Variants in SRP68 observed in about 807,000 individuals in gnomAD.
SRP68 encodes the protein signal recognition particle subunit SRP68.
SRP68 carries 15 observed loss-of-function variants against 82.2 expected under a neutral mutation model. The ratio of observed to expected loss-of-function variants is 0.18; its 90% CI spans 0.12 to 0.28. The LOEUF (loss-of-function observed/expected upper bound fraction) is 0.28. Ranked by LOEUF, SRP68 falls within the 10% of genes least tolerant of loss-of-function variation. The pLI is 1.00. For synonymous variants in SRP68, 261 were observed against 292.6 expected (o/e 0.89, Z 1.10); for missense variants, 595 against 780.5 (o/e 0.76, Z 2.83).
At chr17:76,046,285 A>T in intron 10 of SRP68, 91 bp from the exon 11 acceptor site, 8 of 1,396,000 alleles carry the variant, frequency 5.7e-6, no homozygotes, top group African/African-American at 1.4e-5. Flanking sequence ...ACCCAGAGGA[A>T]GCAGGGGGCG....
At chr17:76,043,097 T>A (rs1265939367) in intron 13 of SRP68, among the ~76,000 whole-genome samples, 1 of 151,734 alleles carries the variant, frequency 6.6e-6, no homozygotes, top group Non-Finnish European at 1.5e-5. Context: ...GACCCCCATC[T>A]CTACAAAAAA....
intron 8 of SRP68, among the ~76,000 whole-genome samples, chr17:76,051,264 G>C (rs1324411847): frequency 6.6e-6 from 1 of 152,190 alleles, no homozygotes; most frequent in Non-Finnish European, 1.5e-5. Flanking sequence ...AAGTGAGAAA[G>C]TGATTCACTA....
chr17:76,045,542 C>A (rs934519460), intron 11 of SRP68, among the ~76,000 whole-genome samples, 156 bp from the exon 12 acceptor site: 6 of 152,238 alleles, frequency 3.9e-5, no homozygotes, highest in African/African-American at 1.4e-4. Flanking sequence ...GCAGCAGCCA[C>A]ACCTGCTGTC....
chr17:76,063,920 C>A, intron 4 of SRP68, 56 bp downstream of exon 4: 1 of 1,488,358 alleles, frequency 6.7e-7, no homozygotes, highest in Non-Finnish European at 9.2e-7. Flanking sequence ...TTAACTGCAG[C>A]TTTTTAAAAT....
In SRP68 at chr17:76,072,513, A is replaced by T; in HGVS notation, c.-22T>A. On this transcript the variant is annotated 5_prime_UTR_variant, in exon 1 of 16. Transcript: ENST00000307877. This position sits in a 1 kb window ranked among gnomAD's most constrained non-coding sequence, Gnocchi z 4.5. ...CCATCTTGCCCCTGCGCCGCAGAGC[A>T]AGACGGGATAGGGGAGGCGGGACGA... 15 of 1,576,728 alleles carry T rather than the reference A, an allele frequency of 9.5e-6. No individual in the cohort carries two copies. The highest frequency in any genetic ancestry group is 1.3e-5 in the Non-Finnish European group (15 of 1,171,472).
Position 76,046,135 on chromosome 17 carries a change from C to T in SRP68, c.1202G>A (p.Gly401Asp), listed in dbSNP as rs1237930618. Residue 401 changes from glycine (G) to aspartate (D), a missense_variant, in exon 11 of 16, where the codon GGT becomes GAT. Around this residue, in one of 2 missense-constraint regions of SRP68, gnomAD observed 495 missense variants for 688.6 expected, o/e 0.72. Transcript: ENST00000307877. The stretch of plus-strand genomic sequence containing the variant: ...CTGCTGCAGCAGAGCCCTCTGCAGA[C>T]CTTTGGCCATGTTCTCATTACGCTT... ...AIKRNENMAK[G>D]LQRALLQQQP... The T allele has an allele frequency of 2.5e-6, 4 of 1,613,906 alleles. No individual in the cohort carries two copies. Among genetic ancestry groups the T allele is most frequent in the Non-Finnish European group, 3.4e-6 (4 of 1,179,858 alleles).
intron 8 of SRP68, among the ~76,000 whole-genome samples, chr17:76,053,238 C>A (rs1348649553): frequency 6.9e-6 from 1 of 145,520 alleles, no homozygotes; most frequent in Admixed American, 7.0e-5. Context: ...TGCACTTTGG[C>A]CTGGGTGACA....
At chr17:76,061,632 A>G (rs547811450) in intron 4 of SRP68, 58 bp from the exon 5 acceptor site, 37 of 1,397,198 alleles carry the variant, frequency 2.6e-5, no homozygotes, top group South Asian at 2.2e-4. Flanking sequence ...CTCCCACTCA[A>G]TCTTCCTTTA....
At position 76,072,115 on chromosome 17, in the gene SRP68, G is replaced by A; in HGVS notation, c.184+193C>T. 1 of 1,113,790 alleles carries A rather than the reference G, an allele frequency of 9.0e-7. No homozygotes were observed. The highest frequency in any genetic ancestry group is 2.6e-5 in the East Asian group (1 of 39,036). 69.0% of individuals were successfully genotyped at this position (1,113,790 alleles called of 1,614,324 possible). A position where few individuals can be genotyped will look rare whatever the true frequency, so the allele number is the denominator to read the frequency against. Reference sequence around the variant, plus strand: ...GAAACGGACCTAGCCAGGACGGCGAGGGGGACACGAGGAAAGACTAGTCGA... The same window carrying A: ...GAAACGGACCTAGCCAGGACGGCGAAGGGGACACGAGGAAAGACTAGTCGA... On this transcript the variant is annotated intron_variant, in intron 1 of 15. Transcript: ENST00000307877. The surrounding 1 kb of genome is among the most constrained non-coding windows in gnomAD (Gnocchi z 4.5).
intron 1 of SRP68, among the ~76,000 whole-genome samples, chr17:76,070,856 A>G (rs1365490499): frequency 4.0e-5 from 6 of 148,666 alleles, no homozygotes; most frequent in African/African-American, 1.5e-4. Flanking sequence ...ACATGCACAC[A>G]CACACACACA....
Position 76,072,452 on chromosome 17 carries a change from C to CGCCGCCGCCACT in SRP68, c.39_40insAGTGGCGGCGGC (p.Gly13_Gly14insSerGlyGlyGly). The stretch of plus-strand genomic sequence containing the variant: ...CTGCCACCGCCGCCGCCACTGCCGC[C>CGCCGCCGCCACT]GCCGCCGCCGCCGCCTGGGACCTGC... On this transcript the variant is annotated inframe_insertion, in exon 1 of 16. Transcript: ENST00000307877. This position sits in a 1 kb window ranked among gnomAD's most constrained non-coding sequence, Gnocchi z 4.5. 6.3e-7 allele frequency: 1 copy of CGCCGCCGCCACT among 1,578,862 alleles called. No homozygotes were observed. Among genetic ancestry groups the CGCCGCCGCCACT allele is most frequent in the Non-Finnish European group, 8.6e-7 (1 of 1,168,778 alleles).
chr17:76,064,470 C>A (rs773314984), intron 3 of SRP68, among the ~76,000 whole-genome samples: 1 of 152,142 alleles, frequency 6.6e-6, no homozygotes, highest in Non-Finnish European at 1.5e-5. Flanking sequence ...CAAACAGACA[C>A]GGTCTAGGCA....
rs1195832176 is a variant in SRP68 at position 76,061,566 on chromosome 17, T to G, written c.570A>C (p.Thr190=). The G allele has an allele frequency of 6.2e-7, 1 of 1,613,710 alleles. No individual in the cohort carries two copies. The highest frequency in any genetic ancestry group is 1.3e-5 in the African/African-American group (1 of 74,938). ...AACGTAGCATTCCTGAGAGGTAAGC[T>G]GTGTAAGCCTGTGAGGAGATGGAAG... ...AKTKLEAQAY[T]AYLSGMLRFE... is the part of the protein sequence containing the mutation. Residue 190 remains threonine, a synonymous_variant, in exon 5 of 16, where the codon ACA becomes ACC. Coordinates refer to ENST00000307877, the MANE Select transcript of SRP68 (RefSeq NM_014230.4).
chr17:76,061,383 A>G, intron 5 of SRP68, 109 bp downstream of exon 5: 2 of 1,068,044 alleles, frequency 1.9e-6, no homozygotes, highest in South Asian at 1.4e-5. Flanking sequence ...TTCTATAGGA[A>G]AGAAAAGTCA....
rs1439606860 is a variant in SRP68 at position 76,072,360 on chromosome 17, A to G, written c.132T>C (p.Pro44=). ...GGEENKENER[P]SAGSKANKEF... ...CTTTGTTTGCCTTCGATCCGGCCGA[A>G]GGGCGTTCGTTTTCTTTATTTTCTT... The change falls in exon 1 of 16, where the codon CCT becomes CCC. Residue 44 remains proline, a synonymous_variant. Coordinates refer to ENST00000307877, the MANE Select transcript of SRP68 (RefSeq NM_014230.4). The surrounding 1 kb of genome is among the most constrained non-coding windows in gnomAD (Gnocchi z 4.5). 1.2e-6 allele frequency: 2 copies of G among 1,612,746 alleles called. No individual in the cohort carries two copies. Among genetic ancestry groups the G allele is most frequent in the Admixed American group, 1.7e-5 (1 of 59,914 alleles).
At chr17:76,060,450 G>T in intron 6 of SRP68, 60 bp from the exon 7 acceptor site, 2 of 1,262,858 alleles carry the variant, frequency 1.6e-6, no homozygotes, top group Non-Finnish European at 2.3e-6. Context: ...AGAATCACTA[G>T]ATTCAACTCA....
At chr17:76,047,788 C>CA (rs5822115) in intron 10 of SRP68, 118 bp downstream of exon 10, 151,678 of 344,280 alleles carry the variant, frequency 0.44, 28,325 homozygotes, top group African/African-American at 0.83. Context: ...GATCCTGTCT[C>CA]AAAAAAAAAA....
intron 9 of SRP68, chr17:76,049,168 T>C (rs2066653511): frequency 6.6e-6 from 1 of 152,254 alleles, no homozygotes; most frequent in Admixed American, 6.5e-5. Context: ...TAATTACCAC[T>C]GAACCATACA....
intron 4 of SRP68, among the ~76,000 whole-genome samples, chr17:76,062,769 T>A (rs1453204598): frequency 2.1e-5 from 2 of 95,412 alleles, no homozygotes; most frequent in South Asian, 2.8e-4. Flanking sequence ...ATATATAAAA[T>A]ATATATATAT....
Sources: allele counts gnomAD v4.1 joint callset (sites outside exome capture counted in the v4.1 genomes callset), GRCh38; gene constraint gnomAD v4.1.1; regional missense constraint gnomAD v4.1.1; non-coding constraint Gnocchi (gnomAD v3.1); transcripts MANE v1.5; gene names NCBI Gene and HGNC (gene_info 2026-07-23, HGNC 2026-07-21).